The following PPP2R5C variants were observed in gnomAD, a reference collection of about 807,000 sequenced individuals.
The protein encoded by PPP2R5C is serine/threonine-protein phosphatase 2A 56 kDa regulatory subunit gamma isoform.
Under a neutral mutation model 68.9 loss-of-function variants are expected in PPP2R5C, and 7 were observed. That is an observed-to-expected ratio of 0.10 (90% CI 0.06 to 0.19). The LOEUF is 0.19. PPP2R5C is among the 10% of genes least tolerant of loss of function. PPP2R5C has a pLI of 1.00. For missense variants in PPP2R5C, 348 were observed against 641.3 expected (o/e 0.54, Z 4.94); for synonymous variants, 210 against 222.2 (o/e 0.95, Z 0.49).
chr14:101,796,935 C>T (rs2038639760), intron 3 of PPP2R5C: 1 of 306,984 alleles, frequency 3.3e-6, no homozygotes, highest in Admixed American at 4.2e-5. Flanking sequence ...GTGAAATACA[C>T]ATGTTAAAAC....
At chr14:101,775,727 C>T (rs1167226202) in intron 2 of PPP2R5C, among the ~76,000 whole-genome samples, 2 of 152,186 alleles carry the variant, frequency 1.3e-5, no homozygotes, top group African/African-American at 2.4e-5. Context: ...AGTCCACCTA[C>T]CCTGGCTAGG....
At chr14:101,822,912 G>A (rs2040166683) in intron 1 of PPP2R5C, among the ~76,000 whole-genome samples, 1 of 152,152 alleles carries the variant, frequency 6.6e-6, no homozygotes, top group African/African-American at 2.4e-5. Flanking sequence ...GGCCGTGTGT[G>A]TATATGCACC....
intron 2 of PPP2R5C, among the ~76,000 whole-genome samples, chr14:101,778,940 G>A (rs2037548068): frequency 1.3e-5 from 2 of 152,098 alleles, no homozygotes; most frequent in African/African-American, 4.8e-5. Flanking sequence ...AGTGCCTGTA[G>A]ACTAAGCTAC....
At chr14:101,901,320 G>C (rs893715894) in intron 8 of PPP2R5C, among the ~76,000 whole-genome samples, 1 of 151,706 alleles carries the variant, frequency 6.6e-6, no homozygotes, top group Middle Eastern at 3.2e-3. Flanking sequence ...AATGGTGTTT[G>C]ATCAGAGAAA....
intron 13 of PPP2R5C, 146 bp from the exon 16 acceptor site, chr14:101,924,995 A>T: frequency 1.1e-6 from 1 of 888,528 alleles, no homozygotes; most frequent in Non-Finnish European, 1.8e-6. Flanking sequence ...GATAAGACCT[A>T]CGCCGTTTCC....
intron 1 of PPP2R5C, among the ~76,000 whole-genome samples, chr14:101,811,449 T>C (rs928758339): frequency 2.0e-5 from 3 of 152,162 alleles, no homozygotes; most frequent in Admixed American, 2.0e-4. Flanking sequence ...CAGGTGATTC[T>C]CCCACCTCAG....
intron 2 of PPP2R5C, among the ~76,000 whole-genome samples, chr14:101,860,972 A>G (rs527978075): frequency 1.4e-4 from 21 of 152,308 alleles, no homozygotes; most frequent in Non-Finnish European, 2.5e-4. Flanking sequence ...TCCCAGGCCT[A>G]AGTTATACCA....
At chr14:101,829,937 A>T (rs552036749) in intron 1 of PPP2R5C, among the ~76,000 whole-genome samples, 213 of 145,462 alleles carry the variant, frequency 1.5e-3, no homozygotes, top group African/African-American at 5.3e-3. Flanking sequence ...TAGTGTCCAT[A>T]GTGGCAAAAA....
exon 8 of PPP2R5C, chr14:101,894,512 A>C: frequency 6.2e-7 from 1 of 1,613,816 alleles, no homozygotes; most frequent in Middle Eastern, 1.6e-4. Flanking sequence ...TTTAGCTGGC[A>C]TACTGTGTAG....
chr14:101,853,383 C>T (rs983079063), intron 1 of PPP2R5C, among the ~76,000 whole-genome samples: 30 of 152,094 alleles, frequency 2.0e-4, no homozygotes, highest in African/African-American at 7.2e-4. Flanking sequence ...TACAGAAACA[C>T]CCTGTCTGGA....
intron 9 of PPP2R5C, among the ~76,000 whole-genome samples, chr14:101,903,112 C>T (rs1310034702): frequency 6.7e-6 from 1 of 149,402 alleles, no homozygotes; most frequent in Admixed American, 6.7e-5. Context: ...AGCATGGTTT[C>T]CTAGAAACTG....
At chr14:101,914,246 G>T in intron 12 of PPP2R5C, 1 of 454,352 alleles carries the variant, frequency 2.2e-6, no homozygotes, top group Non-Finnish European at 4.4e-6. Context: ...TTGTCCTCAT[G>T]TCTGTGTTGA....
chr14:101,863,037 G>A lies in PPP2R5C; in HGVS notation c.294+6152G>A, dbSNP rs569782832. 2.9e-4 allele frequency among the ~76,000 whole-genome samples: 44 copies of A among 152,230 alleles called. 1 individual carries two copies. The South Asian group carries it at 8.5e-3, about 29-fold the overall frequency. On this transcript the variant is annotated intron_variant, in intron 2 of 13. Transcript: ENST00000334743. ...AGAGATGGAGTCTGGGCCAGGTGCA[G>A]TGGCTCATGCCTGTAATCCCAACAC...
At chr14:101,838,655 C>T (rs2041268154) in intron 1 of PPP2R5C, among the ~76,000 whole-genome samples, 1 of 152,256 alleles carries the variant, frequency 6.6e-6, no homozygotes, top group Admixed American at 6.5e-5. Context: ...ATGATCTTCT[C>T]AGAAAGGAGG....
upstream of PPP2R5C, chr14:101,760,713 G>A (rs1294190352): frequency 2.1e-6 from 2 of 950,022 alleles, no homozygotes; most frequent in South Asian, 5.1e-5. Flanking sequence ...GAGGAGCTGC[G>A]GAAAGCTGAG....
chr14:101,803,345 G>A (rs1468854103), intron 3 of PPP2R5C: 2 of 152,334 alleles, frequency 1.3e-5, no homozygotes, highest in African/African-American at 4.8e-5. Flanking sequence ...AAATGGCGTT[G>A]GGAAAACTGG....
At chr14:101,909,779 A>C (rs2046282910) in intron 11 of PPP2R5C, 89 bp downstream of exon 13, 1 of 914,950 alleles carries the variant, frequency 1.1e-6, no homozygotes, top group South Asian at 2.2e-5. Flanking sequence ...CTAAAACGGT[A>C]TTCTTCACTC....
intron 10 of PPP2R5C, among the ~76,000 whole-genome samples, chr14:101,907,892 C>T (rs929514536): frequency 2.6e-5 from 4 of 152,158 alleles, no homozygotes; most frequent in Non-Finnish European, 5.9e-5. Context: ...AGGTGTTAGC[C>T]CTGGAGCTCT....
At chr14:101,768,131 A>G (rs115669011) in intron 2 of PPP2R5C, among the ~76,000 whole-genome samples, 1,584 of 152,272 alleles carry the variant, frequency 0.01, 29 homozygotes, top group African/African-American at 0.036. Context: ...TGCCCCCACC[A>G]ACTGTGACAA....
Sources: allele counts gnomAD v4.1 joint callset (sites outside exome capture counted in the v4.1 genomes callset), GRCh38; gene constraint gnomAD v4.1.1; transcripts MANE v1.5; gene names NCBI Gene and HGNC (gene_info 2026-07-23, HGNC 2026-07-21).